KCNIP4: variants seen among roughly 807,000 people sequenced by gnomAD.
KCNIP4 encodes the protein Kv channel-interacting protein 4.
A neutral mutation model predicts 34.0 loss-of-function variants in KCNIP4; 12 were observed. That is an observed-to-expected ratio of 0.35 (90% CI 0.23 to 0.57). The LOEUF (loss-of-function observed/expected upper bound fraction) is 0.57. Among genes scored for constraint, KCNIP4 ranks in the 20% least tolerant of loss-of-function variants. The probability of loss-of-function intolerance (pLI) is 0.83; values close to 1 mark genes in which losing one functional copy is unlikely to be tolerated. For synonymous variants in KCNIP4, 124 were observed against 102.2 expected, an observed-to-expected ratio of 1.21 and a Z score of -1.29; for missense variants, 238 against 311.7, an observed-to-expected ratio of 0.76 and a Z score of 1.78.
At position 21,660,170 on chromosome 4, in the gene KCNIP4, AT is replaced by A. The variant is rs370613248; in HGVS notation, c.61+288400del. Among the ~76,000 whole-genome samples, 276 of 152,128 alleles carry A rather than the reference AT, an allele frequency of 1.8e-3. 3 individuals carry two copies. The highest frequency in any genetic ancestry group is 6.3e-3 in the African/African-American group (263 of 41,504). ...TTCCCTATCCTGTGTACCCTCTTTT[AT>A]CTTTCCAAATATACTTGTATATGTC... On this transcript the variant is annotated intron_variant, in intron 1 of 8. Coordinates refer to ENST00000382152, the MANE Select transcript of KCNIP4 (RefSeq NM_025221.6).
At chr4:21,315,798 C>T (rs935952727) in intron 1 of KCNIP4, among the ~76,000 whole-genome samples, 1 of 152,110 alleles carries the variant, frequency 6.6e-6, no homozygotes, top group Non-Finnish European at 1.5e-5. Context: ...CCACTGTATA[C>T]CTTGTTGTCA....
intron 1 of KCNIP4, among the ~76,000 whole-genome samples, chr4:21,597,419 C>T (rs1439784571): frequency 6.6e-6 from 1 of 152,024 alleles, no homozygotes; most frequent in East Asian, 1.9e-4. Context: ...ATGTCTTTAT[C>T]AGCAGTGTGA....
At position 21,018,474 on chromosome 4, in the gene KCNIP4, C is replaced by T. The variant is rs147018901; in HGVS notation, c.62-135765G>A. On this transcript the variant is annotated intron_variant, in intron 1 of 8. Coordinates refer to ENST00000382152, the MANE Select transcript of KCNIP4 (RefSeq NM_025221.6). ...CCTGAATGTTTGCACTAAGGCCACA[C>T]CTCCCACAGACTCTTTCAACCAATG... 5.6e-4 allele frequency among the ~76,000 whole-genome samples: 85 copies of T among 152,282 alleles called. No individual in the cohort carries two copies. The East Asian group carries it at 0.013, about 23-fold the overall frequency.
intron 1 of KCNIP4, among the ~76,000 whole-genome samples, chr4:21,791,566 C>T (rs1273230641): frequency 3.9e-5 from 6 of 152,148 alleles, no homozygotes; most frequent in Admixed American, 3.9e-4. Context: ...AGAAGATAAA[C>T]ACAACCGCGG....
chr4:21,193,681 C>T (rs1017713758), intron 1 of KCNIP4, among the ~76,000 whole-genome samples: 5 of 149,674 alleles, frequency 3.3e-5, no homozygotes, highest in African/African-American at 1.3e-4. Flanking sequence ...ACGCCATTCT[C>T]CTGCCTCAGC....
chr4:21,750,261 A>G (rs1377169840), intron 1 of KCNIP4, among the ~76,000 whole-genome samples: 4 of 152,170 alleles, frequency 2.6e-5, no homozygotes, highest in African/African-American at 9.6e-5. Context: ...CCAAAGCACA[A>G]GAGTAGTGAT....
intron 1 of KCNIP4, among the ~76,000 whole-genome samples, chr4:21,176,675 C>T (rs1163189755): frequency 6.6e-6 from 1 of 152,192 alleles, no homozygotes; most frequent in Non-Finnish European, 1.5e-5. Flanking sequence ...GCATGTGCCA[C>T]CACGCCCAGC....
At chr4:21,152,643 A>G (rs1014215003) in intron 1 of KCNIP4, among the ~76,000 whole-genome samples, 2 of 152,080 alleles carry the variant, frequency 1.3e-5, no homozygotes, top group African/African-American at 4.8e-5. Flanking sequence ...TTATTTAAAG[A>G]ATGAGTCCCC....
intron 1 of KCNIP4, among the ~76,000 whole-genome samples, chr4:21,775,676 C>G (rs925447639): frequency 6.6e-6 from 1 of 152,096 alleles, no homozygotes. Context: ...TATTGGAGAT[C>G]CTGCAGAGAA....
intron 1 of KCNIP4, among the ~76,000 whole-genome samples, chr4:21,504,465 C>CAAAA (rs376644707): frequency 5.3e-4 from 30 of 56,332 alleles, no homozygotes; most frequent in African/African-American, 2.3e-3. Flanking sequence ...GACTCCAACT[C>CAAAA]AAAAAAAAAA....
intron 1 of KCNIP4, among the ~76,000 whole-genome samples, chr4:21,864,636 A>G (rs1253799462): frequency 6.6e-6 from 1 of 152,218 alleles, no homozygotes; most frequent in Admixed American, 6.5e-5. Context: ...GATGAGGGAT[A>G]AGAAATATTT....
chr4:21,465,314 G>A (rs1008248960), intron 1 of KCNIP4, among the ~76,000 whole-genome samples: 9 of 152,072 alleles, frequency 5.9e-5, no homozygotes, highest in South Asian at 4.1e-4. Flanking sequence ...AACTTGACAT[G>A]CTCAGCAGGT....
At chr4:20,941,707 A>G (rs1343775099) in intron 1 of KCNIP4, among the ~76,000 whole-genome samples, 3 of 152,242 alleles carry the variant, frequency 2.0e-5, no homozygotes, top group Non-Finnish European at 2.9e-5. Flanking sequence ...TTCAAATGTC[A>G]TTGTTATTAG....
intron 2 of KCNIP4, among the ~76,000 whole-genome samples, chr4:20,877,605 C>T (rs1368224300): frequency 1.3e-5 from 2 of 152,250 alleles, no homozygotes; most frequent in East Asian, 3.9e-4. Context: ...ATTATTATTA[C>T]TACTATTGTT....
chr4:21,146,655 T>C (rs551809787), intron 1 of KCNIP4, among the ~76,000 whole-genome samples: 1 of 152,244 alleles, frequency 6.6e-6, no homozygotes, highest in African/African-American at 2.4e-5. Context: ...CAGCGGTGTG[T>C]GTTTACACAC....
chr4:21,653,515 A>T (rs965083141), intron 1 of KCNIP4, among the ~76,000 whole-genome samples: 6 of 152,210 alleles, frequency 3.9e-5, no homozygotes, highest in Non-Finnish European at 8.8e-5. Flanking sequence ...AAACACATAC[A>T]TACATATTCA....
chr4:21,668,853 G>T (rs2109003772), intron 1 of KCNIP4, among the ~76,000 whole-genome samples: 1 of 152,122 alleles, frequency 6.6e-6, no homozygotes, highest in East Asian at 1.9e-4. Context: ...ACATACAGTT[G>T]AACCTTAAAC....
intron 3 of KCNIP4, among the ~76,000 whole-genome samples, chr4:20,842,557 G>A (rs10005254): frequency 0.4 from 52,449 of 132,066 alleles, 10,208 homozygotes; most frequent in Non-Finnish European, 0.44. Flanking sequence ...AGCATGTAAG[G>A]CAATTGAGTC....
At chr4:20,877,386 T>C (rs1033788444) in intron 2 of KCNIP4, among the ~76,000 whole-genome samples, 2 of 152,214 alleles carry the variant, frequency 1.3e-5, no homozygotes. Context: ...CTATCCCCTG[T>C]TGCCCTATTT....
Sources: allele counts gnomAD v4.1 joint callset (sites outside exome capture counted in the v4.1 genomes callset), GRCh38; gene constraint gnomAD v4.1.1; transcripts MANE v1.5; gene names NCBI Gene and HGNC (gene_info 2026-07-23, HGNC 2026-07-21).